The following FER1L6 variants were observed in gnomAD, a reference collection of about 807,000 sequenced individuals.
FER1L6 encodes fer-1 like family member 6.
In FER1L6, 177 loss-of-function variants were observed where a neutral mutation model predicts 219.2. That is an observed-to-expected ratio of 0.81 (90% CI 0.71 to 0.91). FER1L6 has a LOEUF of 0.91. Among genes scored for constraint, FER1L6 ranks in the 40% least tolerant of loss-of-function variants. The pLI, the probability that FER1L6 is intolerant of heterozygous loss-of-function variation, is 0.00. For missense variants in FER1L6, 2,153 were observed against 2,259.9 expected, an observed-to-expected ratio of 0.95 and a Z score of 0.96; for synonymous variants, 768 against 824.3, an observed-to-expected ratio of 0.93 and a Z score of 1.17.
intron 33 of FER1L6, among the ~76,000 whole-genome samples, chr8:124,089,291 A>T (rs1821918315): frequency 6.6e-6 from 1 of 152,124 alleles, no homozygotes; most frequent in Admixed American, 6.5e-5. Flanking sequence ...ACAGGGTAGC[A>T]CTGAGTTCCA....
intron 12 of FER1L6, among the ~76,000 whole-genome samples, chr8:124,002,670 C>A (rs1048879190): frequency 6.6e-6 from 1 of 151,472 alleles, no homozygotes; most frequent in East Asian, 2.0e-4. Flanking sequence ...CCTCTCTCCC[C>A]ACTCTGCTTC....
At chr8:124,098,297 GA>G (rs1822397449) in intron 37 of FER1L6, among the ~76,000 whole-genome samples, 1 of 152,112 alleles carries the variant, frequency 6.6e-6, no homozygotes, top group Non-Finnish European at 1.5e-5. Context: ...ATTAAAAACA[GA>G]TACAACCTAA....
chr8:123,962,031 A>G (rs1208300276), intron 2 of FER1L6, among the ~76,000 whole-genome samples: 2 of 151,970 alleles, frequency 1.3e-5, no homozygotes, highest in Non-Finnish European at 1.5e-5. Flanking sequence ...CTGGGACTAC[A>G]GGTGCCCACC....
chr8:123,933,528 T>C (rs1039350210), intron 1 of FER1L6, among the ~76,000 whole-genome samples: 6 of 152,208 alleles, frequency 3.9e-5, no homozygotes, highest in Non-Finnish European at 5.9e-5. Flanking sequence ...TATGCATATG[T>C]GTGCACACAC....
chr8:124,098,019 T>C, intron 37 of FER1L6, 136 bp downstream of exon 37: 2 of 520,870 alleles, frequency 3.8e-6, no homozygotes, highest in Admixed American at 7.1e-5. Flanking sequence ...AAGGCCACCT[T>C]CTTTGTCTAA....
chr8:123,967,148 A>T (rs1469597703), intron 5 of FER1L6, among the ~76,000 whole-genome samples: 5 of 152,060 alleles, frequency 3.3e-5, no homozygotes, highest in Non-Finnish European at 7.4e-5. Context: ...GTATAACGAT[A>T]TAGAGTAATG....
intron 1 of FER1L6, among the ~76,000 whole-genome samples, chr8:123,883,360 A>G (rs372508984): frequency 6.6e-6 from 1 of 152,226 alleles, no homozygotes; most frequent in African/African-American, 2.4e-5. Context: ...GCATGCAGGC[A>G]CATCACAGCC....
At chr8:124,040,044 C>A in intron 20 of FER1L6, 38 bp downstream of exon 20, 5 of 1,612,638 alleles carry the variant, frequency 3.1e-6, no homozygotes, top group Non-Finnish European at 4.2e-6. Flanking sequence ...TTCTTTCCTG[C>A]AGCCTGCAAC....
At chr8:123,967,174 T>G (rs984819071) in intron 5 of FER1L6, among the ~76,000 whole-genome samples, 1 of 152,176 alleles carries the variant, frequency 6.6e-6, no homozygotes, top group Non-Finnish European at 1.5e-5. Flanking sequence ...CCCTCTGATC[T>G]TTGATCCCCA....
At chr8:124,013,580 C>A in intron 15 of FER1L6, 49 bp downstream of exon 15, 1 of 1,331,244 alleles carries the variant, frequency 7.5e-7, no homozygotes, top group South Asian at 1.4e-5. Flanking sequence ...TCTGTGGTCT[C>A]AGCTTTTAAT....
chr8:123,907,036 C>A (rs1039029478), intron 1 of FER1L6, among the ~76,000 whole-genome samples: 3 of 152,152 alleles, frequency 2.0e-5, no homozygotes, highest in Admixed American at 2.0e-4. Context: ...CTAGACTACT[C>A]ATGTCTGTCA....
intron 2 of FER1L6, among the ~76,000 whole-genome samples, chr8:123,961,974 C>T (rs1815305693): frequency 6.6e-6 from 1 of 150,702 alleles, no homozygotes; most frequent in Non-Finnish European, 1.5e-5. Flanking sequence ...ACTGCAATCT[C>T]CACCTACTGG....
chr8:124,108,893 A>T (rs1323517659), intron 39 of FER1L6, among the ~76,000 whole-genome samples: 3 of 152,130 alleles, frequency 2.0e-5, no homozygotes, highest in Non-Finnish European at 2.9e-5. Flanking sequence ...AAAAAAGGAA[A>T]GAAAAGAAAA....
intron 12 of FER1L6, among the ~76,000 whole-genome samples, chr8:123,992,469 T>C (rs1047500981): frequency 7.9e-5 from 12 of 152,194 alleles, no homozygotes; most frequent in African/African-American, 2.9e-4. Flanking sequence ...CCATTTCCTC[T>C]AGATTTTCTA....
At chr8:123,875,731 A>G (rs1312859823) in intron 1 of FER1L6, among the ~76,000 whole-genome samples, 1 of 152,182 alleles carries the variant, frequency 6.6e-6, no homozygotes, top group African/African-American at 2.4e-5. Flanking sequence ...TCCCATATTA[A>G]TAAATGACAA....
intron 4 of FER1L6, 27 bp downstream of exon 4, chr8:123,966,088 C>T (rs777233324): frequency 1.2e-6 from 2 of 1,613,444 alleles, no homozygotes; most frequent in African/African-American, 1.3e-5. Flanking sequence ...TCCTGCCCAG[C>T]CTCCCCCAGT....
In FER1L6 at chr8:124,049,737, C is replaced by A; in HGVS notation, c.2855C>A (p.Ala952Asp). 6.2e-7 allele frequency: 1 copy of A among 1,614,014 alleles called. No individual in the cohort carries two copies. Among genetic ancestry groups the A allele is most frequent in the Non-Finnish European group, 8.5e-7 (1 of 1,179,954 alleles). ...CGNLSGGDLL[A>D]VFELLQVPPS... ...AATCTCTCTGGAGGGGATCTCCTTG[C>A]TGTATTTGAACTGCTGCAGGTGAGT... The change falls in exon 22 of 41, where the codon GCT (alanine) becomes GAT (aspartate). Residue 952 changes from alanine to aspartate, a missense_variant. Transcript: ENST00000522917.
At chr8:123,898,806 CATAT>C (rs1267245516) in intron 1 of FER1L6, among the ~76,000 whole-genome samples, 1 of 76,166 alleles carries the variant, frequency 1.3e-5, no homozygotes, top group Non-Finnish European at 3.3e-5. Flanking sequence ...CATATATACA[CATAT>C]ATATACATAT....
intron 1 of FER1L6, among the ~76,000 whole-genome samples, chr8:123,928,967 A>G (rs1813666687): frequency 6.6e-6 from 1 of 152,152 alleles, no homozygotes; most frequent in African/African-American, 2.4e-5. Flanking sequence ...TACCAGTGAA[A>G]TAGGTATTAT....
Sources: gnomAD v4.1 joint callset for allele counts (sites outside exome capture counted in the v4.1 genomes callset) on GRCh38, gnomAD v4.1.1 for gene constraint, MANE v1.5 for transcripts, NCBI Gene and HGNC (gene_info 2026-07-23, HGNC 2026-07-21) for gene names.